Variants in HMCN1 observed in about 807,000 individuals in gnomAD.
The protein encoded by HMCN1 is hemicentin 1.
A neutral mutation model predicts 625.9 loss-of-function variants in HMCN1; 321 were observed. The ratio of observed to expected loss-of-function variants is 0.51; its 90% CI spans 0.47 to 0.56. The LOEUF (loss-of-function observed/expected upper bound fraction) is 0.56, where lower values mean the gene tolerates loss of function less well. Ranked by LOEUF, HMCN1 falls within the 20% of genes least tolerant of loss-of-function variation. HMCN1 has a pLI of 0.00. For missense variants in HMCN1, 6,588 were observed against 6,887.3 expected (o/e 0.96, Z 1.54); for synonymous variants, 2,425 against 2,417.6 (o/e 1.00, Z -0.09).
chr1:186,047,109 G>A (rs1295706540), intron 41 of HMCN1, among the ~76,000 whole-genome samples: 2 of 152,084 alleles, frequency 1.3e-5, no homozygotes, highest in Admixed American at 1.3e-4. Flanking sequence ...ACAGAAGCAT[G>A]GGTGTGAGTG....
chr1:185,973,009 A>G (rs1274310722), intron 15 of HMCN1, among the ~76,000 whole-genome samples: 1 of 152,178 alleles, frequency 6.6e-6, no homozygotes, highest in Non-Finnish European at 1.5e-5. Flanking sequence ...AAAGGTAAAC[A>G]CACATCAAAT....
chr1:185,912,539 A>G (rs1047192097), intron 6 of HMCN1, among the ~76,000 whole-genome samples: 11 of 152,098 alleles, frequency 7.2e-5, no homozygotes, highest in African/African-American at 1.7e-4. Context: ...TGTGTGTCCC[A>G]CTGTGGCAGA....
intron 97 of HMCN1, among the ~76,000 whole-genome samples, chr1:186,157,338 AAC>A (rs1408607750): frequency 6.6e-6 from 1 of 152,220 alleles, no homozygotes; most frequent in Non-Finnish European, 1.5e-5. Flanking sequence ...AATTCAAAGT[AAC>A]ACACTTTATA....
chr1:185,911,491 T>G (rs1336471040), intron 5 of HMCN1, among the ~76,000 whole-genome samples, 183 bp from the exon 6 acceptor site: 1 of 152,178 alleles, frequency 6.6e-6, no homozygotes, highest in Non-Finnish European at 1.5e-5. Flanking sequence ...TGAATGTGTT[T>G]TATTTTAGCC....
intron 11 of HMCN1, among the ~76,000 whole-genome samples, chr1:185,960,507 C>T (rs1649938256): frequency 6.6e-6 from 1 of 152,180 alleles, no homozygotes; most frequent in Non-Finnish European, 1.5e-5. Context: ...GTGTTGCACA[C>T]AGACTTATTT....
At chr1:186,159,430 G>A (rs1651276504) in intron 97 of HMCN1, among the ~76,000 whole-genome samples, 1 of 151,784 alleles carries the variant, frequency 6.6e-6, no homozygotes, top group African/African-American at 2.4e-5. Context: ...CTGCCTAATT[G>A]CCCTGGCCAG....
intron 1 of HMCN1, among the ~76,000 whole-genome samples, chr1:185,771,903 A>G (rs942241311): frequency 6.6e-6 from 1 of 152,214 alleles, no homozygotes; most frequent in African/African-American, 2.4e-5. Context: ...AGTTTTATAA[A>G]TGATATAGTA....
intron 104 of HMCN1, among the ~76,000 whole-genome samples, chr1:186,180,011 C>G (rs1652844041): frequency 6.6e-6 from 1 of 152,142 alleles, no homozygotes; most frequent in East Asian, 1.9e-4. Context: ...GGAAACTTCT[C>G]CCTCGTGATT....
intron 36 of HMCN1, among the ~76,000 whole-genome samples, chr1:186,034,059 C>A (rs1030098029): frequency 6.6e-6 from 1 of 152,122 alleles, no homozygotes; most frequent in East Asian, 1.9e-4. Context: ...GGAAGATAAT[C>A]TCTAATTATC....
At position 186,103,106 on chromosome 1, in the gene HMCN1, C is replaced by G. The variant is rs114132148; in HGVS notation, c.10574-366C>G. Among the ~76,000 whole-genome samples the G allele has an allele frequency of 5.8e-3, 877 of 151,844 alleles. 9 individuals are homozygous for G. Among genetic ancestry groups the G allele is most frequent in the African/African-American group, 0.02 (842 of 41,440 alleles). On this transcript the variant is annotated intron_variant, in intron 68 of 106. Transcript: ENST00000271588. ...TAGAAACTATTGGTATTTAAAGATACAAAAACATAATAATATGCTAAGTCC... is the reference window on the plus strand; with the variant it reads ...TAGAAACTATTGGTATTTAAAGATAGAAAAACATAATAATATGCTAAGTCC...
chr1:185,924,913 G>A, intron 8 of HMCN1, 134 bp from the exon 9 acceptor site: 1 of 829,738 alleles, frequency 1.2e-6, no homozygotes, highest in Non-Finnish European at 2.0e-6. Flanking sequence ...TAGTGATCTG[G>A]GTTAATTGGA....
rs139629275 is a variant in HMCN1 at position 186,095,422 on chromosome 1, C to G, written c.10474C>G (p.Gln3492Glu). The change falls in exon 68 of 107, where the codon CAG becomes GAG. Residue 3492 changes from glutamine (Q) to glutamate (E), a missense_variant. Around this residue, in one of 3 missense-constraint regions of HMCN1, gnomAD observed 4,628 missense variants for 4,853.1 expected, o/e 0.95. Coordinates refer to ENST00000271588, the MANE Select transcript of HMCN1 (RefSeq NM_031935.3). ...AGTCAGCACCCATGGAATGGTCCTGCAGCTCCTCAAAGCAGAGACTGAAGA... is the reference window on the plus strand; with the variant it reads ...AGTCAGCACCCATGGAATGGTCCTGGAGCTCCTCAAAGCAGAGACTGAAGA... ...LTVSTHGMVL[Q>E]LLKAETEDSG... is the part of the protein sequence containing the mutation. 6.2e-7 allele frequency: 1 copy of G among 1,613,582 alleles called. No homozygotes were observed. Among genetic ancestry groups the G allele is most frequent in the Non-Finnish European group, 8.5e-7 (1 of 1,179,820 alleles).
intron 24 of HMCN1, among the ~76,000 whole-genome samples, chr1:185,996,733 A>T (rs1369041021): frequency 6.6e-6 from 1 of 152,130 alleles, no homozygotes; most frequent in African/African-American, 2.4e-5. Flanking sequence ...GACGGATTGG[A>T]TATGAGAGTG....
intron 4 of HMCN1, among the ~76,000 whole-genome samples, chr1:185,867,834 G>A (rs1032475789): frequency 6.6e-6 from 1 of 152,164 alleles, no homozygotes; most frequent in African/African-American, 2.4e-5. Flanking sequence ...ACTTTGGGAG[G>A]CCGCAGCAGG....
rs763177925 is a variant in HMCN1 at position 185,933,603 on chromosome 1, G to C, written c.1607G>C (p.Arg536Thr). 2 of 1,613,986 alleles carry C rather than the reference G, an allele frequency of 1.2e-6. No individual in the cohort carries two copies. The highest frequency in any genetic ancestry group is 1.1e-5 in the South Asian group (1 of 91,082). The part of the protein sequence containing the change: ...PNNVTVTPGE[R>T]AVLTCLIISA... ...AATGTTACAGTCACTCCTGGAGAGA[G>C]AGCAGTTTTAACATGTCTCATCATC... The change falls in exon 11 of 107, where the codon AGA (arginine) becomes ACA (threonine). Residue 536 changes from arginine to threonine, a missense_variant. Physicochemically the swap from Arg to Thr is moderately conservative, Grantham distance 71. Transcript: ENST00000271588.
intron 24 of HMCN1, 99 bp from the exon 25 acceptor site, chr1:185,997,330 A>C (rs908048684): frequency 8.4e-5 from 65 of 772,392 alleles, no homozygotes; most frequent in Non-Finnish European, 6.5e-5. Flanking sequence ...AAGAATCAGC[A>C]GAGATAGCAA....
At chr1:185,873,303 A>C (rs973518598) in intron 4 of HMCN1, among the ~76,000 whole-genome samples, 1 of 152,148 alleles carries the variant, frequency 6.6e-6, no homozygotes, top group African/African-American at 2.4e-5. Context: ...AAAACTCATT[A>C]AAAATCCACA....
At chr1:185,864,948 C>G (rs1231260507) in intron 3 of HMCN1, among the ~76,000 whole-genome samples, 1 of 152,206 alleles carries the variant, frequency 6.6e-6, no homozygotes, top group African/African-American at 2.4e-5. Flanking sequence ...AATGTTATCT[C>G]CGATGTGGAA....
intron 31 of HMCN1, among the ~76,000 whole-genome samples, chr1:186,015,697 G>A (rs1404629353): frequency 6.6e-6 from 1 of 152,122 alleles, no homozygotes; most frequent in African/African-American, 2.4e-5. Context: ...AAAAGGCAAA[G>A]TAGTTGTTGG....
Sources: gnomAD v4.1 joint callset for allele counts (sites outside exome capture counted in the v4.1 genomes callset) on GRCh38, gnomAD v4.1.1 for gene constraint, gnomAD v4.1.1 regional missense constraint, MANE v1.5 for transcripts, NCBI Gene and HGNC (gene_info 2026-07-23, HGNC 2026-07-21) for gene names.